The following SLC28A3 variants were observed in gnomAD, a reference collection of about 807,000 sequenced individuals.
SLC28A3 encodes the protein concentrative Na(+)-nucleoside cotransporter 3.
Under a neutral mutation model 84.2 loss-of-function variants are expected in SLC28A3, and 68 were observed. The ratio of observed to expected loss-of-function variants is 0.81; its 90% CI spans 0.66 to 0.99. The LOEUF (loss-of-function observed/expected upper bound fraction) is 0.99, where lower values mean the gene tolerates loss of function less well. Ranked by LOEUF, SLC28A3 falls within the 50% of genes least tolerant of loss-of-function variation. The probability of loss-of-function intolerance (pLI) is 0.00; values close to 1 mark genes in which losing one functional copy is unlikely to be tolerated. For missense variants in SLC28A3, 712 were observed against 841.5 expected (o/e 0.85, Z 1.90); for synonymous variants, 267 against 303.6 (o/e 0.88, Z 1.25).
chr9:84,355,412 TG>T, the SLC28A3 span, among the ~76,000 whole-genome samples: 10 of 152,052 alleles, frequency 6.6e-5, no homozygotes, highest in Admixed American at 1.3e-4. Context: ...TAGTACAGCC[TG>T]GGTGATGGGG....
intron 1 of SLC28A3, among the ~76,000 whole-genome samples, chr9:84,320,611 T>C (rs1826343473): frequency 6.6e-6 from 1 of 152,194 alleles, no homozygotes; most frequent in Non-Finnish European, 1.5e-5. Context: ...GTCCAACAAA[T>C]ATTTATTGCA....
At chr9:84,344,800 C>T (rs567951650), upstream of SLC28A3, among the ~76,000 whole-genome samples, 222 of 152,268 alleles carry the variant, frequency 1.5e-3, 3 homozygotes, top group Non-Finnish European at 1.2e-3. Context: ...AGCCCAACCC[C>T]CTCCTCCCCT....
At chr9:84,362,581 G>A in the SLC28A3 span, among the ~76,000 whole-genome samples, 6 of 151,956 alleles carry the variant, frequency 3.9e-5, no homozygotes, top group Non-Finnish European at 7.4e-5. Flanking sequence ...GCAGTGAGCC[G>A]AGATCGGGCC....
Position 84,278,208 on chromosome 9 carries a change from G to T in SLC28A3, c.*10C>A, listed in dbSNP as rs1588550990. 4 of 1,612,596 alleles carry T rather than the reference G, an allele frequency of 2.5e-6. No homozygotes were observed. In the East Asian group the frequency reaches 8.9e-5, roughly 36 times the overall value. Reference sequence around the variant, plus strand: ...TGTACTTCAGAGTTCCACTGGAGAAGTGGCTGACCTCAAAATGTATTAGAG... The same window carrying T: ...TGTACTTCAGAGTTCCACTGGAGAATTGGCTGACCTCAAAATGTATTAGAG... On this transcript the variant is annotated 3_prime_UTR_variant, in exon 18 of 18. Coordinates refer to ENST00000376238, the MANE Select transcript of SLC28A3 (RefSeq NM_001199633.2).
At chr9:84,340,155 A>G (rs943296248) in intron 1 of SLC28A3, among the ~76,000 whole-genome samples, 2 of 152,140 alleles carry the variant, frequency 1.3e-5, no homozygotes, top group East Asian at 3.9e-4. Context: ...GCTCTGGGGC[A>G]GGTACCGGGG....
rs1824581708 is a variant in SLC28A3, at chr9:84,277,930, G to A, written c.*288C>T. ...GTTTATAGCTGTATTCTGGTGAAAT[G>A]CCTTGCAAACATTAAAGTCAGAAAA... On this transcript the variant is annotated 3_prime_UTR_variant, in exon 18 of 18. Transcript: ENST00000376238. 2.8e-6 allele frequency: 1 copy of A among 360,196 alleles called. No homozygotes were observed. The highest frequency in any genetic ancestry group is 5.1e-6 in the Non-Finnish European group (1 of 195,200). 22.3% of individuals were successfully genotyped at this position (360,196 alleles called of 1,614,324 possible). A position where few individuals can be genotyped will look rare whatever the true frequency, so the allele number is the denominator to read the frequency against.
At chr9:84,305,198 C>A (rs1825747640) in intron 4 of SLC28A3, 56 bp downstream of exon 4, 3 of 1,284,932 alleles carry the variant, frequency 2.3e-6, no homozygotes, top group Admixed American at 2.3e-5. Context: ...TTGGGGGAAT[C>A]CCTGAAAAAA....
intron 3 of SLC28A3, among the ~76,000 whole-genome samples, chr9:84,307,658 G>A (rs2118369537): frequency 6.6e-6 from 1 of 152,242 alleles, no homozygotes; most frequent in South Asian, 2.1e-4. Flanking sequence ...TTTAGGAAAG[G>A]CTAATGATGT....
At chr9:84,349,119 G>A in the SLC28A3 span, among the ~76,000 whole-genome samples, 2 of 152,180 alleles carry the variant, frequency 1.3e-5, no homozygotes, top group African/African-American at 4.8e-5. Context: ...GCAAAGGGTG[G>A]TGGGATTATC....
chr9:84,285,008 G>A (rs1040285646), intron 14 of SLC28A3, among the ~76,000 whole-genome samples: 2 of 152,168 alleles, frequency 1.3e-5, no homozygotes, highest in Non-Finnish European at 2.9e-5. Flanking sequence ...AGTACTCAGC[G>A]CATTGCACAT....
At chr9:84,328,651 C>T (rs879487363) in intron 1 of SLC28A3, among the ~76,000 whole-genome samples, 18 of 152,096 alleles carry the variant, frequency 1.2e-4, no homozygotes, top group African/African-American at 3.4e-4. Flanking sequence ...CCCAGCTTCT[C>T]GCGAGGCTGA....
At chr9:84,338,066 T>C (rs1442544972) in intron 1 of SLC28A3, among the ~76,000 whole-genome samples, 18 of 152,212 alleles carry the variant, frequency 1.2e-4, no homozygotes, top group Non-Finnish European at 2.4e-4. Context: ...CTGCACCAGG[T>C]CTTACAGGCA....
chr9:84,292,563 A>AT (rs775040716), intron 10 of SLC28A3, 105 bp downstream of exon 10: 2 of 864,616 alleles, frequency 2.3e-6, no homozygotes, highest in South Asian at 3.8e-5. Context: ...TTTTGACACC[A>AT]TTTTCTCTAC....
chr9:84,299,243 C>A (rs1328465597), intron 6 of SLC28A3, among the ~76,000 whole-genome samples: 1 of 152,082 alleles, frequency 6.6e-6, no homozygotes, highest in Admixed American at 6.5e-5. Context: ...CAATGGAGGA[C>A]TATTAGATTT....
At chr9:84,290,953 CAG>C (rs1214862828) in intron 10 of SLC28A3, among the ~76,000 whole-genome samples, 1 of 152,178 alleles carries the variant, frequency 6.6e-6, no homozygotes, top group Non-Finnish European at 1.5e-5. Context: ...AAGAAGCAGA[CAG>C]AGTGTAGTTG....
intron 10 of SLC28A3, 94 bp downstream of exon 10, chr9:84,292,574 A>G (rs762208286): frequency 3.0e-6 from 3 of 987,698 alleles, no homozygotes; most frequent in Non-Finnish European, 3.0e-6. Flanking sequence ...TTTTCTCTAC[A>G]CTAAAAGAAC....
At chr9:84,281,307 AC>A (rs1291140151) in intron 14 of SLC28A3, among the ~76,000 whole-genome samples, 10 of 152,344 alleles carry the variant, frequency 6.6e-5, no homozygotes, top group African/African-American at 2.2e-4. Context: ...AACTGTTATA[AC>A]TCAATAAGAT....
Position 84,278,119 on chromosome 9 carries a change from G to T in SLC28A3, c.*99C>A. 2.1e-6 allele frequency: 3 copies of T among 1,423,380 alleles called. No homozygotes were observed. Among genetic ancestry groups the T allele is most frequent in the Non-Finnish European group, 2.8e-6 (3 of 1,057,650 alleles). 88.2% of individuals were successfully genotyped at this position (1,423,380 alleles called of 1,614,324 possible). A position where few individuals can be genotyped will look rare whatever the true frequency, so the allele number is the denominator to read the frequency against. On this transcript the variant is annotated 3_prime_UTR_variant, in exon 18 of 18. Coordinates refer to ENST00000376238, the MANE Select transcript of SLC28A3 (RefSeq NM_001199633.2). ...TGCAATTAAAGCTGATTCCATTATG[G>T]AAGCATCAATCTGTGGACAATAGCT...
chr9:84,303,879 T>C (rs910195827), intron 4 of SLC28A3, among the ~76,000 whole-genome samples: 1 of 152,220 alleles, frequency 6.6e-6, no homozygotes, highest in African/African-American at 2.4e-5. Flanking sequence ...CTTTCATAAA[T>C]ATTCATGACT....
Sources: gnomAD v4.1 joint callset for allele counts (sites outside exome capture counted in the v4.1 genomes callset) on GRCh38, gnomAD v4.1.1 for gene constraint, MANE v1.5 for transcripts, NCBI Gene and HGNC (gene_info 2026-07-23, HGNC 2026-07-21) for gene names.